The following KTN1 variants were observed in gnomAD, a reference collection of about 807,000 sequenced individuals.
The protein encoded by KTN1 is kinectin.
KTN1 carries 130 observed loss-of-function variants against 222.5 expected under a neutral mutation model. The ratio of observed to expected loss-of-function variants is 0.58; its 90% CI spans 0.51 to 0.68. The LOEUF (loss-of-function observed/expected upper bound fraction) is 0.68, where lower values mean the gene tolerates loss of function less well. KTN1 is among the 30% of genes least tolerant of loss of function. The pLI, the probability that KTN1 is intolerant of heterozygous loss-of-function variation, is 0.00. For synonymous variants in KTN1, 512 were observed against 496.3 expected (o/e 1.03, Z -0.42); for missense variants, 1,508 against 1,500.4 (o/e 1.01, Z -0.08).
intron 5 of KTN1, among the ~76,000 whole-genome samples, chr14:55,624,264 G>C (rs1416390975): frequency 6.6e-6 from 1 of 152,292 alleles, no homozygotes; most frequent in East Asian, 1.9e-4. Flanking sequence ...AAGTCGCAGA[G>C]GTAATTGAAT....
At chr14:55,607,013 A>G (rs1310320190) in intron 1 of KTN1, among the ~76,000 whole-genome samples, 1 of 152,200 alleles carries the variant, frequency 6.6e-6, no homozygotes, top group Non-Finnish European at 1.5e-5. Context: ...TTATATAGAC[A>G]GTGTGGTGTG....
chr14:55,621,046 T>C (rs1464561448), intron 5 of KTN1, among the ~76,000 whole-genome samples: 1 of 152,184 alleles, frequency 6.6e-6, no homozygotes, highest in Non-Finnish European at 1.5e-5. Context: ...CCAGAGACCC[T>C]AAATCATCTC....
In KTN1 at chr14:55,623,428, G is replaced by A. The variant is rs148664219; in HGVS notation, c.963+4116G>A. ...GGGGTCTGGCCCTGTCACCCAGGCT[G>A]GAGTGCTGTGGCGCAATCTCTGCTC... On this transcript the variant is annotated intron_variant, in intron 5 of 43. Transcript: ENST00000395314. Among the ~76,000 whole-genome samples the A allele has an allele frequency of 2.5e-3, 376 of 152,312 alleles. 1 individual carries two copies. Among genetic ancestry groups the A allele is most frequent in the African/African-American group, 8.7e-3 (362 of 41,558 alleles).
chr14:55,596,430 A>T (rs2035051766), intron 1 of KTN1, among the ~76,000 whole-genome samples: 1 of 152,192 alleles, frequency 6.6e-6, no homozygotes. Context: ...TGAAGGCAAC[A>T]TCTGTCTTTG....
chr14:55,655,724 A>G (rs976376898), intron 28 of KTN1, among the ~76,000 whole-genome samples: 2 of 152,240 alleles, frequency 1.3e-5, no homozygotes, highest in African/African-American at 4.8e-5. Context: ...AATTATGACT[A>G]AGATTCTTGG....
intron 9 of KTN1, 46 bp downstream of exon 9, chr14:55,634,704 C>A: frequency 6.6e-7 from 1 of 1,525,498 alleles, no homozygotes; most frequent in South Asian, 1.2e-5. Context: ...ATAATATAGG[C>A]GTATTAGTTC....
At chr14:55,675,811 T>C (rs959099513) in intron 40 of KTN1, 24 bp from the exon 41 acceptor site, 5 of 1,467,456 alleles carry the variant, frequency 3.4e-6, no homozygotes, top group Non-Finnish European at 4.8e-6. Flanking sequence ...TTAAGTTAAT[T>C]GTGGTGTTCC....
chr14:55,581,067 T>G (rs1249124969), intron 1 of KTN1, among the ~76,000 whole-genome samples: 2 of 152,256 alleles, frequency 1.3e-5, no homozygotes, highest in African/African-American at 4.8e-5. Flanking sequence ...TCCTAGCGAT[T>G]CGGCCTGACC....
chr14:55,641,149 A>G lies in KTN1; in HGVS notation c.2044A>G (p.Ile682Val), dbSNP rs1166974304. The G allele has an allele frequency of 1.9e-6, 3 of 1,592,996 alleles. No homozygotes were observed. The highest frequency in any genetic ancestry group is 2.2e-5 in the East Asian group (1 of 44,722). The change falls in exon 17 of 44, where the codon ATA becomes GTA. Residue 682 changes from isoleucine to valine, a missense_variant. Transcript: ENST00000395314. ...QQSVYVKDDK[I>V]RLLEEQLQHE... ...TAGTGTTTATGTTAAAGATGATAAA[A>G]TAAGATTGCTGGAAGAGCAACTACA... is the stretch of plus-strand genomic sequence containing the variant.
intron 1 of KTN1, among the ~76,000 whole-genome samples, chr14:55,582,155 G>C (rs1467375239): frequency 6.6e-6 from 1 of 152,064 alleles, no homozygotes; most frequent in South Asian, 2.1e-4. Flanking sequence ...AAATTATAAA[G>C]AATATCAAGT....
chr14:55,582,581 T>A (rs1331016446), intron 1 of KTN1, among the ~76,000 whole-genome samples: 1 of 152,198 alleles, frequency 6.6e-6, no homozygotes, highest in Non-Finnish European at 1.5e-5. Flanking sequence ...GTTGAATGTG[T>A]CTTATACATT....
intron 1 of KTN1, among the ~76,000 whole-genome samples, chr14:55,604,798 G>C (rs988926165): frequency 6.6e-6 from 1 of 151,926 alleles, no homozygotes; most frequent in South Asian, 2.1e-4. Flanking sequence ...GGGTTTTGAA[G>C]GATAGGTGGA....
intron 1 of KTN1, among the ~76,000 whole-genome samples, chr14:55,611,088 C>A (rs1240574600): frequency 6.6e-6 from 1 of 151,946 alleles, no homozygotes; most frequent in Non-Finnish European, 1.5e-5. Context: ...TAATTTATTT[C>A]ACTATTTTAT....
intron 5 of KTN1, 144 bp downstream of exon 5, chr14:55,619,456 A>C: frequency 1.4e-6 from 1 of 735,688 alleles, no homozygotes; most frequent in Non-Finnish European, 2.3e-6. Context: ...AAATTACTTT[A>C]TATATCGTAT....
At chr14:55,628,078 C>T in intron 6 of KTN1, 50 bp downstream of exon 6, 1 of 1,122,110 alleles carries the variant, frequency 8.9e-7, no homozygotes, top group Non-Finnish European at 1.3e-6. Context: ...TCAGAAGCAA[C>T]AAAAGATTTT....
chr14:55,603,135 G>T (rs2036224084), intron 1 of KTN1, among the ~76,000 whole-genome samples: 1 of 151,532 alleles, frequency 6.6e-6, no homozygotes, highest in South Asian at 2.1e-4. Context: ...TCTCACTCCT[G>T]CATCATTGTT....
At position 55,613,877 on chromosome 14, in the gene KTN1, G is replaced by T. The variant is rs9806119; in HGVS notation, c.523+1306G>T. On this transcript the variant is annotated intron_variant, in intron 2 of 43. Transcript: ENST00000395314. Reference sequence around the variant, plus strand: ...CACGTAAGCCAGTAAAAAAAATGTGGTTTATGTAGGAGATAGAGAAAGTAT... The same window carrying T: ...CACGTAAGCCAGTAAAAAAAATGTGTTTTATGTAGGAGATAGAGAAAGTAT... Among the ~76,000 whole-genome samples the T allele has an allele frequency of 5.7e-3, 870 of 152,280 alleles. 7 individuals carry two copies. Among genetic ancestry groups the T allele is most frequent in the African/African-American group, 0.02 (838 of 41,556 alleles).
Position 55,641,703 on chromosome 14 carries a change from C to A in KTN1, c.2115C>A (p.Asp705Glu). Reference sequence around the variant, plus strand: ...ACTCTTTCTTCCAGATTCTAAATGACCAAAACAAAGCATTAAAATCAGAAG... The same window carrying A: ...ACTCTTTCTTCCAGATTCTAAATGAACAAAACAAAGCATTAAAATCAGAAG... ...NKMEEFKILNDQNKALKSEVQ... is the reference protein window; with the variant it reads ...NKMEEFKILNEQNKALKSEVQ... Residue 705 changes from aspartate to glutamate, a missense_variant, in exon 18 of 44, where the codon GAC (aspartate) becomes GAA (glutamate). Physicochemically the swap from Asp to Glu is conservative, Grantham distance 45. Coordinates refer to ENST00000395314, the MANE Select transcript of KTN1 (RefSeq NM_001079521.2). 1 of 1,596,882 alleles carries A rather than the reference C, an allele frequency of 6.3e-7. No homozygotes were observed. The highest frequency in any genetic ancestry group is 8.6e-7 in the Non-Finnish European group (1 of 1,164,672).
intron 28 of KTN1, 49 bp from the exon 29 acceptor site, chr14:55,655,993 T>C: frequency 8.9e-7 from 1 of 1,126,878 alleles, no homozygotes; most frequent in Non-Finnish European, 1.3e-6. Flanking sequence ...AGTCTGGTTT[T>C]CCTTTTTTAT....
Sources: allele counts gnomAD v4.1 joint callset (sites outside exome capture counted in the v4.1 genomes callset), GRCh38; gene constraint gnomAD v4.1.1; transcripts MANE v1.5; gene names NCBI Gene and HGNC (gene_info 2026-07-23, HGNC 2026-07-21).